The following PCDHGA10 variants were observed in gnomAD, a reference collection of about 807,000 sequenced individuals.
PCDHGA10 encodes protocadherin gamma subfamily A, 10.
PCDHGA10 carries 42 observed loss-of-function variants against 59.5 expected under a neutral mutation model. The observed-to-expected ratio is 0.71, with a 90% CI of 0.55 to 0.91. The LOEUF (loss-of-function observed/expected upper bound fraction) is 0.91. Ranked by LOEUF, PCDHGA10 falls within the 40% of genes least tolerant of loss-of-function variation. PCDHGA10 has a pLI of 0.00. For missense variants in PCDHGA10, 1,111 were observed against 1,198.2 expected, an observed-to-expected ratio of 0.93 and a Z score of 1.07; for synonymous variants, 511 against 517.2, an observed-to-expected ratio of 0.99 and a Z score of 0.16.
intron 2 of PCDHGA10, among the ~76,000 whole-genome samples, chr5:141,500,877 A>AT (rs369345007): frequency 0.053 from 6,532 of 122,188 alleles, 326 homozygotes; most frequent in Admixed American, 0.19. Context: ...TTCATTTACA[A>AT]TTTTTTTTTT....
intron 1 of PCDHGA10, chr5:141,441,249 TA>T (rs981387539): frequency 6.6e-6 from 1 of 152,206 alleles, no homozygotes; most frequent in Non-Finnish European, 1.5e-5. Context: ...ACAAGATCTT[TA>T]AATCACAAGA....
intron 1 of PCDHGA10, among the ~76,000 whole-genome samples, chr5:141,450,267 C>T (rs971441306): frequency 4.6e-5 from 7 of 152,106 alleles, no homozygotes; most frequent in African/African-American, 1.7e-4. Context: ...ATCTGCCCAC[C>T]TCAGCTAAGT....
At position 141,477,039 on chromosome 5, in the gene PCDHGA10, G is replaced by C. The variant is rs1313580652; in HGVS notation, c.2437-17768G>C. Reference sequence around the variant, plus strand: ...GTAACCGGGATGCTGACAATCAAGGGTCGGCTGGACTTCGAGGACACCAAA... The same window carrying C: ...GTAACCGGGATGCTGACAATCAAGGCTCGGCTGGACTTCGAGGACACCAAA... On this transcript the variant is annotated intron_variant, in intron 1 of 3. Coordinates refer to ENST00000398610, the MANE Select transcript of PCDHGA10 (RefSeq NM_018913.3). This position sits in a 1 kb window ranked among gnomAD's most constrained non-coding sequence, Gnocchi z 4.9. 1 of 1,614,144 alleles carries C rather than the reference G, an allele frequency of 6.2e-7. No individual in the cohort carries two copies. The highest frequency in any genetic ancestry group is 8.5e-7 in the Non-Finnish European group (1 of 1,180,056).
intron 3 of PCDHGA10, among the ~76,000 whole-genome samples, chr5:141,509,686 G>A (rs1350812680): frequency 6.6e-6 from 1 of 152,212 alleles, no homozygotes; most frequent in Non-Finnish European, 1.5e-5. Flanking sequence ...CTTCTGTACA[G>A]TGGGACGTTG....
In PCDHGA10 at chr5:141,443,822, A is replaced by G. The variant is rs183934410; in HGVS notation, c.2436+28211A>G. ...GAAACAGTTACCTTTGGAAAACATAATTAGGTAAAATGGGTAATATGGAAA... is the reference window on the plus strand; with the variant it reads ...GAAACAGTTACCTTTGGAAAACATAGTTAGGTAAAATGGGTAATATGGAAA... On this transcript the variant is annotated intron_variant, in intron 1 of 3. Coordinates refer to ENST00000398610, the MANE Select transcript of PCDHGA10 (RefSeq NM_018913.3). Among the ~76,000 whole-genome samples, 330 of 152,316 alleles carry G rather than the reference A, an allele frequency of 2.2e-3. 2 individuals carry two copies. Among genetic ancestry groups the G allele is most frequent in the Non-Finnish European group, 4.1e-3 (279 of 68,018 alleles).
At position 141,486,447 on chromosome 5, in the gene PCDHGA10, T is replaced by A. The variant is rs1452869378; in HGVS notation, c.2437-8360T>A. 6.2e-7 allele frequency: 1 copy of A among 1,614,058 alleles called. No individual in the cohort carries two copies. The highest frequency in any genetic ancestry group is 1.7e-5 in the Admixed American group (1 of 60,012). On this transcript the variant is annotated intron_variant, in intron 1 of 3. Coordinates refer to ENST00000398610, the MANE Select transcript of PCDHGA10 (RefSeq NM_018913.3). This position sits in a 1 kb window ranked among gnomAD's most constrained non-coding sequence, Gnocchi z 5.0. Reference sequence around the variant, plus strand: ...GCCAAATCTAGCTATGACATCATGGTCACTGCTTCTGATGCTGGGAACCCT... The same window carrying A: ...GCCAAATCTAGCTATGACATCATGGACACTGCTTCTGATGCTGGGAACCCT...
At chr5:141,466,574 T>C (rs978880367) in intron 1 of PCDHGA10, among the ~76,000 whole-genome samples, 5 of 152,218 alleles carry the variant, frequency 3.3e-5, no homozygotes, top group Non-Finnish European at 5.9e-5. Flanking sequence ...CAACATTGTC[T>C]CATCCCTTCT....
chr5:141,505,891 G>A (rs541853565), intron 3 of PCDHGA10, among the ~76,000 whole-genome samples: 9 of 152,288 alleles, frequency 5.9e-5, no homozygotes, highest in Admixed American at 5.9e-4. Context: ...GATTAAATGA[G>A]ATGATACCAC....
rs2099417434 is a variant in PCDHGA10, at chr5:141,477,762, C to T, written c.2437-17045C>T. 1 of 1,613,968 alleles carries T rather than the reference C, an allele frequency of 6.2e-7. No homozygotes were observed. The highest frequency in any genetic ancestry group is 8.5e-7 in the Non-Finnish European group (1 of 1,180,032). On this transcript the variant is annotated intron_variant, in intron 1 of 3. Transcript: ENST00000398610. This position sits in a 1 kb window ranked among gnomAD's most constrained non-coding sequence, Gnocchi z 4.9. ...GATGGGGGCACCCCGGTCCTAGCCA[C>T]CAACATCAGCGTGAACATATTTGTC...
chr5:141,482,109 C>G (rs972542276), intron 1 of PCDHGA10, among the ~76,000 whole-genome samples: 2 of 149,582 alleles, frequency 1.3e-5, no homozygotes, highest in African/African-American at 2.5e-5. Context: ...AAAAAAATAT[C>G]TAGAGATGGG....
At chr5:141,468,191 G>A (rs1420885521) in intron 1 of PCDHGA10, among the ~76,000 whole-genome samples, 1 of 151,860 alleles carries the variant, frequency 6.6e-6, no homozygotes, top group African/African-American at 2.4e-5. Flanking sequence ...TGGGCATGGT[G>A]GCGGGTGCCT....
chr5:141,451,443 C>A (rs1184838490), intron 1 of PCDHGA10, among the ~76,000 whole-genome samples: 1 of 152,176 alleles, frequency 6.6e-6, no homozygotes, highest in Non-Finnish European at 1.5e-5. Context: ...CAGTTCCTTG[C>A]TGGTTGTTAG....
chr5:141,480,240 CA>C lies in PCDHGA10; in HGVS notation c.2437-14552del, dbSNP rs11374694. 4.6e-3 allele frequency among the ~76,000 whole-genome samples: 522 copies of C among 113,846 alleles called. 1 individual carries two copies. Among genetic ancestry groups the C allele is most frequent in the Non-Finnish European group, 5.4e-3 (287 of 52,954 alleles). 74.7% of individuals were successfully genotyped at this position (113,846 alleles called of 152,430 possible). A position where few individuals can be genotyped will look rare whatever the true frequency, so the allele number is the denominator to read the frequency against. ...GCGACATAGTGAGATCCTGTCTCTACAAAAAAAAAAAAAAATGTGTTTTCAT... is the reference window on the plus strand; with the variant it reads ...GCGACATAGTGAGATCCTGTCTCTACAAAAAAAAAAAAAATGTGTTTTCAT... On this transcript the variant is annotated intron_variant, in intron 1 of 3. Coordinates refer to ENST00000398610, the MANE Select transcript of PCDHGA10 (RefSeq NM_018913.3).
At chr5:141,497,664 C>T (rs779506763) in intron 2 of PCDHGA10, among the ~76,000 whole-genome samples, 14 of 151,904 alleles carry the variant, frequency 9.2e-5, no homozygotes, top group Non-Finnish European at 1.8e-4. Context: ...CTCAGCCTCC[C>T]GAGTAGCTGG....
intron 1 of PCDHGA10, among the ~76,000 whole-genome samples, chr5:141,480,916 A>C (rs991166066): frequency 6.6e-6 from 1 of 152,106 alleles, no homozygotes; most frequent in East Asian, 1.9e-4. Flanking sequence ...ATGGTGGCGC[A>C]TACCTGTAGT....
rs554845172 is a variant in PCDHGA10 at position 141,485,584 on chromosome 5, G to A, written c.2437-9223G>A. Reference sequence around the variant, plus strand: ...ACGCCCCCCGTTTTCCGCGGCAGCAGCTGGACTTGGAAATTGGGGAGGCAG... The same window carrying A: ...ACGCCCCCCGTTTTCCGCGGCAGCAACTGGACTTGGAAATTGGGGAGGCAG... On this transcript the variant is annotated intron_variant, in intron 1 of 3. Transcript: ENST00000398610. The surrounding 1 kb of genome is among the most constrained non-coding windows in gnomAD (Gnocchi z 5.7). The A allele has an allele frequency of 2.9e-5, 46 of 1,612,498 alleles. 1 individual carries two copies. The South Asian group carries it at 4.5e-4, about 16-fold the overall frequency.
At chr5:141,492,191 G>A (rs996614987) in intron 1 of PCDHGA10, among the ~76,000 whole-genome samples, 1 of 152,204 alleles carries the variant, frequency 6.6e-6, no homozygotes, top group African/African-American at 2.4e-5. Context: ...ACCTGTCTGC[G>A]GGACTTAGGT....
intron 1 of PCDHGA10, chr5:141,427,685 C>T: frequency 1.2e-6 from 1 of 852,116 alleles, no homozygotes; most frequent in Non-Finnish European, 1.9e-6. Context: ...TTCCCGGAGC[C>T]TCCATCCCAC....
chr5:141,472,779 A>C (rs908169292), intron 1 of PCDHGA10, among the ~76,000 whole-genome samples: 5 of 152,012 alleles, frequency 3.3e-5, no homozygotes, highest in Non-Finnish European at 7.4e-5. Context: ...TGAGGTTGGG[A>C]GTTCAAGATC....
Sources: allele counts gnomAD v4.1 joint callset (sites outside exome capture counted in the v4.1 genomes callset), GRCh38; gene constraint gnomAD v4.1.1; non-coding constraint Gnocchi (gnomAD v3.1); transcripts MANE v1.5; gene names NCBI Gene and HGNC (gene_info 2026-07-23, HGNC 2026-07-21).